The following NACAD variants were observed in gnomAD, a reference collection of about 807,000 sequenced individuals.
NACAD encodes the protein NAC alpha domain containing.
In NACAD, 47 loss-of-function variants were observed where a neutral mutation model predicts 98.9. That is an observed-to-expected ratio of 0.48 (90% CI 0.38 to 0.61). The LOEUF is 0.61. Among genes scored for constraint, NACAD ranks in the 20% least tolerant of loss-of-function variants. The pLI is 0.00. For synonymous variants in NACAD, 696 were observed against 767.2 expected, an observed-to-expected ratio of 0.91 and a Z score of 1.53; for missense variants, 1,412 against 1,748.2, an observed-to-expected ratio of 0.81 and a Z score of 3.43.
Position 45,088,270 on chromosome 7 carries a change from A to G in NACAD, c.67+558T>C, listed in dbSNP as rs1433666544. On this transcript the variant is annotated intron_variant, in intron 1 of 7. Transcript: ENST00000490531. This position sits in a 1 kb window ranked among gnomAD's most constrained non-coding sequence, Gnocchi z 5.7. ...ATTGCTAATCAGGCCACCTCCCCCAAGGCCTTCCACCTTCCAGACCCAACT... is the reference window on the plus strand; with the variant it reads ...ATTGCTAATCAGGCCACCTCCCCCAGGGCCTTCCACCTTCCAGACCCAACT... Among the ~76,000 whole-genome samples the G allele has an allele frequency of 2.6e-5, 4 of 152,204 alleles. No homozygotes were observed. The highest frequency in any genetic ancestry group is 6.5e-5 in the Admixed American group (1 of 15,282).
Position 45,086,258 on chromosome 7 carries a change from G to A in NACAD, c.68-146C>T, listed in dbSNP as rs926178688. 247 of 878,338 alleles carry A rather than the reference G, an allele frequency of 2.8e-4. 2 individuals carry two copies. Among genetic ancestry groups the A allele is most frequent in the Non-Finnish European group, 1.1e-4 (68 of 591,898 alleles). The allele number at this position is 878,338 out of a possible 1,614,324, so 54.4% of individuals were successfully genotyped here. A position where few individuals can be genotyped will look rare whatever the true frequency, so the allele number is the denominator to read the frequency against. On this transcript the variant is annotated intron_variant, in intron 1 of 7. Transcript: ENST00000490531. ...AGAGAAAAGAGAAGACCCTCTGCAC[G>A]CTGCGTTTGAGGGAGAACTTCCAGG...
Position 45,082,155 on chromosome 7 carries a change from C to A in NACAD, c.4025G>T (p.Gly1342Val), listed in dbSNP as rs1268283751. The change falls in exon 2 of 8, where the codon GGG (glycine) becomes GTG (valine). Residue 1342 changes from glycine (G) to valine (V), a missense_variant. Physicochemically the swap from Gly to Val is moderately radical, Grantham distance 109 (BLOSUM62 -3). Coordinates refer to ENST00000490531, the MANE Select transcript of NACAD (RefSeq NM_001146334.2). The surrounding 1 kb of genome is among the most constrained non-coding windows in gnomAD (Gnocchi z 4.5). ...SGPQSPAGPQ[G>V]LSAPEQQEDE... ...CTCTTGCTGCTCGGGGGCTGAGAGC[C>A]CTTGAGGGCCAGCTGGGCTCTGGGG... is the stretch of plus-strand genomic sequence containing the variant. 14 of 1,496,072 alleles carry A rather than the reference C, an allele frequency of 9.4e-6. No homozygotes were observed. The highest frequency in any genetic ancestry group is 1.2e-5 in the Non-Finnish European group (14 of 1,121,048). 92.7% of individuals were successfully genotyped at this position (1,496,072 alleles called of 1,614,324 possible).
Position 45,085,349 on chromosome 7 carries a change from C to A in NACAD, c.831G>T (p.Glu277Asp). Residue 277 changes from glutamate to aspartate, a missense_variant, in exon 2 of 8, where the codon GAG becomes GAT. Physicochemically the swap from Glu to Asp is conservative, Grantham distance 45. This residue lies in a region of NACAD where 638 missense variants were observed against 722.7 expected (regional missense o/e 0.88). Transcript: ENST00000490531. The surrounding 1 kb of genome is among the most constrained non-coding windows in gnomAD (Gnocchi z 6.1). The stretch of plus-strand genomic sequence containing the variant: ...AGCTGCTGTCTGCAGAGAGGCTGGA[C>A]TCAGAGGACGGGGGCTCTGGGGTCC... ...PAGTPEPPSS[E>D]SSLSADSSSS... 1.3e-6 allele frequency: 2 copies of A among 1,550,648 alleles called. No homozygotes were observed. Among genetic ancestry groups the A allele is most frequent in the South Asian group, 1.2e-5 (1 of 83,998 alleles).
chr7:45,080,662 C>T lies in NACAD; in HGVS notation c.4652G>A (p.Ser1551Asn). The change falls in exon 7 of 8, where the codon AGT (serine) becomes AAT (asparagine). Residue 1551 changes from serine (S) to asparagine (N), a missense_variant. Transcript: ENST00000490531. ...CACCATGATGGCGTTGACGATGTCA[C>T]TGTGGTTGTCTCTCAGAGCCCGCAC... ...KAVRALRDNH[S>N]DIVNAIMELT... is the part of the protein sequence containing the mutation. 1 of 1,551,332 alleles carries T rather than the reference C, an allele frequency of 6.4e-7. No homozygotes were observed. The highest frequency in any genetic ancestry group is 8.7e-7 in the Non-Finnish European group (1 of 1,146,924).
Position 45,080,542 on chromosome 7 carries a change from A to G in NACAD, c.4675-19T>C. The G allele has an allele frequency of 6.4e-7, 1 of 1,551,438 alleles. No homozygotes were observed. The highest frequency in any genetic ancestry group is 8.7e-7 in the Non-Finnish European group (1 of 1,146,914). ...TCAGTTCCTGCAGAAAGAGATGGTC[A>G]TGTTGGGGGAAGCACCCCGCAGTGG... On this transcript the variant is annotated intron_variant, in intron 7 of 7. Transcript: ENST00000490531.
chr7:45,082,365 G>T lies in NACAD; in HGVS notation c.3815C>A (p.Pro1272Gln), dbSNP rs948297543. Residue 1272 changes from proline (P) to glutamine (Q), a missense_variant, in exon 2 of 8, where the codon CCG (proline) becomes CAG (glutamine). Physicochemically the swap from Pro to Gln is moderately conservative, Grantham distance 76. Transcript: ENST00000490531. This position sits in a 1 kb window ranked among gnomAD's most constrained non-coding sequence, Gnocchi z 4.5. ...GGCAGGCTGGACTCCTGCCTGGGGC[G>T]GTGGGAGGCCCAGAGAGCCTGGGGG... is the stretch of plus-strand genomic sequence containing the variant. ...EEPPGSLGLPPPQAGVQPAAA... is the reference protein window; with the variant it reads ...EEPPGSLGLPQPQAGVQPAAA... 2.6e-6 allele frequency: 4 copies of T among 1,550,108 alleles called. No homozygotes were observed. The African/African-American group carries it at 5.5e-5, about 21-fold the overall frequency.
Position 45,082,296 on chromosome 7 carries a change from G to A in NACAD, c.3884C>T (p.Pro1295Leu), listed in dbSNP as rs904366881. 16 of 1,550,518 alleles carry A rather than the reference G, an allele frequency of 1.0e-5. No individual in the cohort carries two copies. In the East Asian group the frequency reaches 1.2e-4, roughly 12 times the overall value. The change falls in exon 2 of 8, where the codon CCG (proline) becomes CTG (leucine). Residue 1295 changes from proline to leucine, a missense_variant. Physicochemically the swap from Pro to Leu is moderately conservative, Grantham distance 98. This residue lies in a region of NACAD where 572 missense variants were observed against 639.6 expected (regional missense o/e 0.89). Coordinates refer to ENST00000490531, the MANE Select transcript of NACAD (RefSeq NM_001146334.2). The surrounding 1 kb of genome is among the most constrained non-coding windows in gnomAD (Gnocchi z 4.5). Reference sequence around the variant, plus strand: ...GGAGTGAGGCGAGAGGCTGACTCGCGGCCCAGTCCCCAGAGGCTGTGTGGT... The same window carrying A: ...GGAGTGAGGCGAGAGGCTGACTCGCAGCCCAGTCCCCAGAGGCTGTGTGGT... ...SGTTQPLGTGPRVSLSPHSPL... is the reference protein window; with the variant it reads ...SGTTQPLGTGLRVSLSPHSPL...
chr7:45,081,987 T>C, intron 2 of NACAD, 120 bp from the exon 3 acceptor site: 1 of 1,443,984 alleles, frequency 6.9e-7, no homozygotes, highest in Non-Finnish European at 9.3e-7. Flanking sequence ...CTCTCCATGG[T>C]GGCTGTGGGG....
In NACAD at chr7:45,083,381, G is replaced by A. The variant is rs570748050; in HGVS notation, c.2799C>T (p.Pro933=). Residue 933 remains proline (P), a synonymous_variant, in exon 2 of 8, where the codon CCC becomes CCT. Transcript: ENST00000490531. ...TAPLPLQDTG[P]TSGPEPLAVA... is the part of the protein sequence containing the mutation. ...CAGCCAGAGGCTCTGGACCTGAGGT[G>A]GGGCCTGTGTCTTGCAGAGGCAGAG... The A allele has an allele frequency of 1.2e-5, 19 of 1,551,388 alleles. No homozygotes were observed. The South Asian group carries it at 2.0e-4, about 17-fold the overall frequency.
chr7:45,088,962 C>T lies in NACAD; in HGVS notation c.-68G>A. The stretch of plus-strand genomic sequence containing the variant: ...TCCGTCAGTCCGTGCCGCCGCCCCG[C>T]CGAGCCTGCGCGGCCACCGCCCCTC... On this transcript the variant is annotated 5_prime_UTR_variant, in exon 1 of 8. Transcript: ENST00000490531. This position sits in a 1 kb window ranked among gnomAD's most constrained non-coding sequence, Gnocchi z 5.7. 8.1e-7 allele frequency: 1 copy of T among 1,232,194 alleles called. No individual in the cohort carries two copies. Among genetic ancestry groups the T allele is most frequent in the Admixed American group, 4.3e-5 (1 of 23,446 alleles). 76.3% of individuals were successfully genotyped at this position (1,232,194 alleles called of 1,614,324 possible).
In NACAD at chr7:45,082,473, G is replaced by C; in HGVS notation, c.3707C>G (p.Ala1236Gly). 1 of 1,549,412 alleles carries C rather than the reference G, an allele frequency of 6.5e-7. No homozygotes were observed. The highest frequency in any genetic ancestry group is 8.7e-7 in the Non-Finnish European group (1 of 1,146,812). The change falls in exon 2 of 8, where the codon GCT (alanine) becomes GGT (glycine). Residue 1236 changes from alanine (A) to glycine (G), a missense_variant. Physicochemically the swap from Ala to Gly is moderately conservative, Grantham distance 60. Coordinates refer to ENST00000490531, the MANE Select transcript of NACAD (RefSeq NM_001146334.2). This position sits in a 1 kb window ranked among gnomAD's most constrained non-coding sequence, Gnocchi z 4.5. ...CTCCAGTGGGGGTAGGGCTGCCCCA[G>C]CAAGGGTACCAGGAGCAGAAGGGTC... The part of the protein sequence containing the change: ...GPDPSAPGTL[A>G]GAALPPLEPP...
In NACAD at chr7:45,086,111, A is replaced by T; in HGVS notation, c.69T>A (p.Asp23Glu). The T allele has an allele frequency of 1.3e-6, 2 of 1,535,562 alleles. No individual in the cohort carries two copies. The highest frequency in any genetic ancestry group is 2.4e-5 in the South Asian group (2 of 84,044). ...TGGCAGCGGCCGCATCGCAGGACAG[A>T]TCTGTGGAGATAGAGAAGATCATGA... ...PEADRPGPRT[D>E]LSCDAAAATT... Residue 23 changes from aspartate (D) to glutamate (E), a missense_variant and splice_region_variant, in exon 2 of 8, where the codon GAT (aspartate) becomes GAA (glutamate). Coordinates refer to ENST00000490531, the MANE Select transcript of NACAD (RefSeq NM_001146334.2).
intron 4 of NACAD, 84 bp from the exon 5 acceptor site, chr7:45,081,347 A>G (rs1014901465): frequency 6.7e-7 from 1 of 1,499,926 alleles, no homozygotes. Flanking sequence ...CAGGAAGGCA[A>G]AGTCTCCACC....
Position 45,082,415 on chromosome 7 carries a change from C to T in NACAD, c.3765G>A (p.Gln1255=). 6.5e-7 allele frequency: 1 copy of T among 1,549,106 alleles called. No individual in the cohort carries two copies. Among genetic ancestry groups the T allele is most frequent in the Non-Finnish European group, 8.7e-7 (1 of 1,146,502 alleles). ...GCTCCTCGTCTTCCACAGAGTCTTC[C>T]TGGGGGTCCTGGCACAGGCAGGGGG... ...PPAPCLCQDP[Q]EDSVEDEEPP... is the part of the protein sequence containing the mutation. The change falls in exon 2 of 8, where the codon CAG becomes CAA. Residue 1255 remains glutamine, a synonymous_variant. Coordinates refer to ENST00000490531, the MANE Select transcript of NACAD (RefSeq NM_001146334.2). This position sits in a 1 kb window ranked among gnomAD's most constrained non-coding sequence, Gnocchi z 4.5.
rs745615556 is a variant in NACAD at position 45,085,160 on chromosome 7, C to T, written c.1020G>A (p.Ala340=). 1.1e-4 allele frequency: 174 copies of T among 1,550,322 alleles called. No individual in the cohort carries two copies. Among genetic ancestry groups the T allele is most frequent in the Admixed American group, 2.4e-4 (12 of 50,922 alleles). ...CCAGGTCCCCACCTGGGTCGGGATCCGCCACAGCCTCCTCTTCTTCTTCCT... is the reference window on the plus strand; with the variant it reads ...CCAGGTCCCCACCTGGGTCGGGATCTGCCACAGCCTCCTCTTCTTCTTCCT... ...SPEEEEEEAV[A]DPDPGGDLAG... The change falls in exon 2 of 8, where the codon GCG becomes GCA. Residue 340 remains alanine (A), a synonymous_variant. Transcript: ENST00000490531. The surrounding 1 kb of genome is among the most constrained non-coding windows in gnomAD (Gnocchi z 6.1).
chr7:45,080,439 A>C lies in NACAD; in HGVS notation c.*70T>G. On this transcript the variant is annotated 3_prime_UTR_variant, in exon 8 of 8. Transcript: ENST00000490531. ...GAGGAGGAGACACCAGAGGGCAATG[A>C]AGGGACACCGATTTATTGAGTAGCA... 6.5e-7 allele frequency: 1 copy of C among 1,549,396 alleles called. No homozygotes were observed. The highest frequency in any genetic ancestry group is 1.2e-5 in the South Asian group (1 of 84,030).
chr7:45,082,553 T>TG lies in NACAD; in HGVS notation c.3626dup (p.Glu1210ArgfsTer19). On this transcript the variant is annotated frameshift_variant, in exon 2 of 8. Coordinates refer to ENST00000490531, the MANE Select transcript of NACAD (RefSeq NM_001146334.2). LOFTEE classifies it high-confidence loss of function. This position sits in a 1 kb window ranked among gnomAD's most constrained non-coding sequence, Gnocchi z 4.5. Reference sequence around the variant, plus strand: ...TGGGCTGACCCTTGGCAAGGTTTTCTGGGGGCTGCAGCAAGGGGGTGCCAA... The same window carrying TG: ...TGGGCTGACCCTTGGCAAGGTTTTCTGGGGGGCTGCAGCAAGGGGGTGCCAA... 6.5e-7 allele frequency: 1 copy of TG among 1,547,534 alleles called. No homozygotes were observed. The highest frequency in any genetic ancestry group is 8.7e-7 in the Non-Finnish European group (1 of 1,145,770).
At position 45,081,671 on chromosome 7, in the gene NACAD, G is replaced by A. The variant is rs1784431767; in HGVS notation, c.4187C>T (p.Ala1396Val). Reference protein sequence around the residue: ...APQTVQCPAQAPAGGSEETIA... With the variant: ...APQTVQCPAQVPAGGSEETIA... ...GGTCTCCTCACTGCCGCCTGCTGGG[G>A]CCTGAGAAAAGGTGAGGGCTGAGCA... is the stretch of plus-strand genomic sequence containing the variant. The change falls in exon 4 of 8, where the codon GCC becomes GTC. Residue 1396 changes from alanine to valine, a missense_variant and splice_region_variant. Physicochemically the swap from Ala to Val is moderately conservative, Grantham distance 64 (BLOSUM62 0). Transcript: ENST00000490531. The A allele has an allele frequency of 1.9e-6, 3 of 1,551,432 alleles. No individual in the cohort carries two copies. Among genetic ancestry groups the A allele is most frequent in the Non-Finnish European group, 1.7e-6 (2 of 1,146,998 alleles).
chr7:45,083,205 G>C lies in NACAD; in HGVS notation c.2975C>G (p.Pro992Arg), dbSNP rs558988221. Residue 992 changes from proline to arginine, a missense_variant, in exon 2 of 8, where the codon CCT (proline) becomes CGT (arginine). Physicochemically the swap from Pro to Arg is moderately radical, Grantham distance 103. This residue lies in a region of NACAD where 572 missense variants were observed against 639.6 expected (regional missense o/e 0.89). Transcript: ENST00000490531. ...CTGTTGGACCTGGTCCAAGGCTGCAGGCTCCGGGACTGTAGGGAGGGCTGC... is the reference window on the plus strand; with the variant it reads ...CTGTTGGACCTGGTCCAAGGCTGCACGCTCCGGGACTGTAGGGAGGGCTGC... Reference protein sequence around the residue: ...KNAALPTVPEPAALDQVQQDD... With the variant: ...KNAALPTVPERAALDQVQQDD... 6.4e-7 allele frequency: 1 copy of C among 1,550,954 alleles called. No homozygotes were observed. Among genetic ancestry groups the C allele is most frequent in the East Asian group, 2.4e-5 (1 of 40,922 alleles).
Sources: gnomAD v4.1 joint callset for allele counts (sites outside exome capture counted in the v4.1 genomes callset) on GRCh38, gnomAD v4.1.1 for gene constraint, gnomAD v4.1.1 regional missense constraint, Gnocchi (gnomAD v3.1) non-coding constraint, MANE v1.5 for transcripts, NCBI Gene and HGNC (gene_info 2026-07-23, HGNC 2026-07-21) for gene names.